MAGI2: variants seen among roughly 807,000 people sequenced by gnomAD.
The protein encoded by MAGI2 is membrane associated guanylate kinase, WW and PDZ domain containing 2.
In MAGI2, 35 loss-of-function variants were observed where a neutral mutation model predicts 133.3. That is an observed-to-expected ratio of 0.26 (90% confidence interval 0.20 to 0.35). The LOEUF (loss-of-function observed/expected upper bound fraction) is 0.35. Among genes scored for constraint, MAGI2 ranks in the 10% least tolerant of loss-of-function variants. The pLI is 1.00. For missense variants in MAGI2, 1,636 were observed against 1,863.4 expected (o/e 0.88, Z 2.25); for synonymous variants, 729 against 710.6 (o/e 1.03, Z -0.41).
chr7:78,672,273 CT>C (rs1814483001), intron 2 of MAGI2, among the ~76,000 whole-genome samples: 1 of 152,068 alleles, frequency 6.6e-6, no homozygotes, highest in Non-Finnish European at 1.5e-5. Flanking sequence ...GACCTCCCCC[CT>C]CTCTCTCTTG....
rs186281437 is a variant in MAGI2 at position 78,684,832 on chromosome 7, T to A, written c.419-57593A>T. Among the ~76,000 whole-genome samples the A allele has an allele frequency of 2.2e-3, 335 of 152,280 alleles. 2 individuals are homozygous for A. The highest frequency in any genetic ancestry group is 7.6e-3 in the African/African-American group (317 of 41,570). ...ATGTTCCACACGTATACAAAATTATTCAGAAATTCTACCTTGGCCAAAGAA... is the reference window on the plus strand; with the variant it reads ...ATGTTCCACACGTATACAAAATTATACAGAAATTCTACCTTGGCCAAAGAA... On this transcript the variant is annotated intron_variant, in intron 2 of 21. Transcript: ENST00000354212.
At chr7:78,531,287 C>T (rs951631921) in intron 3 of MAGI2, among the ~76,000 whole-genome samples, 1 of 149,312 alleles carries the variant, frequency 6.7e-6, no homozygotes, top group Non-Finnish European at 1.5e-5. Flanking sequence ...GATCTTGGCT[C>T]ACTGCAATCT....
At chr7:78,328,781 T>C (rs766402899) in intron 9 of MAGI2, among the ~76,000 whole-genome samples, 1 of 152,012 alleles carries the variant, frequency 6.6e-6, no homozygotes, top group African/African-American at 2.4e-5. Context: ...CGGGAGAAAA[T>C]ATATCCAGTA....
Position 78,489,741 on chromosome 7 carries a change from AT to A in MAGI2, c.1045+19del, listed in dbSNP as rs774729796. On this transcript the variant is annotated intron_variant, in intron 6 of 21. Coordinates refer to ENST00000354212, the MANE Select transcript of MAGI2 (RefSeq NM_012301.4). ...TCTCAAAGCACATTGCTGAAACACC[AT>A]AAAAACTTAATAACCTACCATTTTC... is the stretch of plus-strand genomic sequence containing the variant. 98 of 1,586,510 alleles carry A rather than the reference AT, an allele frequency of 6.2e-5. No homozygotes were observed. Among genetic ancestry groups the A allele is most frequent in the Non-Finnish European group, 8.1e-5 (94 of 1,156,996 alleles).
chr7:78,990,427 G>A (rs184258874), intron 2 of MAGI2, among the ~76,000 whole-genome samples: 9 of 152,090 alleles, frequency 5.9e-5, no homozygotes, highest in East Asian at 1.9e-4. Flanking sequence ...TCCCTGAAAC[G>A]TAGAAATTCC....
chr7:78,760,146 A>G (rs1824348870), intron 2 of MAGI2, among the ~76,000 whole-genome samples: 1 of 152,172 alleles, frequency 6.6e-6, no homozygotes, highest in Non-Finnish European at 1.5e-5. Context: ...AAATAAGGAA[A>G]GAAAATAAAG....
intron 21 of MAGI2, among the ~76,000 whole-genome samples, chr7:78,025,387 C>T (rs1808815790): frequency 6.6e-6 from 1 of 152,148 alleles, no homozygotes; most frequent in South Asian, 2.1e-4. Flanking sequence ...CTTTTGCTTG[C>T]TTATTTGATA....
chr7:79,146,980 A>G (rs1822701192), intron 1 of MAGI2, among the ~76,000 whole-genome samples: 1 of 152,218 alleles, frequency 6.6e-6, no homozygotes, highest in African/African-American at 2.4e-5. Context: ...CTTCTAGATT[A>G]CTTGAGAGAT....
At chr7:78,778,904 CTT>C (rs71085566) in intron 2 of MAGI2, among the ~76,000 whole-genome samples, 1,633 of 118,384 alleles carry the variant, frequency 0.014, 14 homozygotes, top group African/African-American at 0.049. Context: ...CCTTTTCAGC[CTT>C]TTTTTTTTTT....
Position 78,224,098 on chromosome 7 carries a change from G to A in MAGI2, c.2048-22905C>T, listed in dbSNP as rs114883517. Among the ~76,000 whole-genome samples the A allele has an allele frequency of 4.1e-3, 625 of 152,206 alleles. 9 individuals are homozygous for A. The highest frequency in any genetic ancestry group is 0.014 in the African/African-American group (596 of 41,534). ...TCTCATTCTCAATTCTACAGAGTACGTAGATTTCATTGTGAAATAGAATGG... is the reference window on the plus strand; with the variant it reads ...TCTCATTCTCAATTCTACAGAGTACATAGATTTCATTGTGAAATAGAATGG... On this transcript the variant is annotated intron_variant, in intron 10 of 21. Coordinates refer to ENST00000354212, the MANE Select transcript of MAGI2 (RefSeq NM_012301.4).
intron 9 of MAGI2, among the ~76,000 whole-genome samples, chr7:78,261,127 A>G (rs1050057727): frequency 6.6e-5 from 10 of 152,114 alleles, no homozygotes; most frequent in African/African-American, 2.4e-4. Context: ...TTCCTAGTCA[A>G]TTCTCATCTT....
At chr7:79,098,976 A>C (rs191806572) in intron 1 of MAGI2, among the ~76,000 whole-genome samples, 82 of 152,332 alleles carry the variant, frequency 5.4e-4, no homozygotes, top group African/African-American at 1.8e-3. Context: ...TATAAAATGT[A>C]AGAGAACATA....
At chr7:78,647,727 C>T (rs936566839) in intron 2 of MAGI2, among the ~76,000 whole-genome samples, 6 of 152,008 alleles carry the variant, frequency 3.9e-5, no homozygotes, top group African/African-American at 1.5e-4. Context: ...TTCATAATAG[C>T]GAAGACTTGG....
intron 10 of MAGI2, among the ~76,000 whole-genome samples, chr7:78,228,686 CT>C (rs1472473206): frequency 2.0e-5 from 3 of 152,210 alleles, no homozygotes; most frequent in Non-Finnish European, 4.4e-5. Flanking sequence ...TGTGGCAAAT[CT>C]TTATTTAACT....
intron 10 of MAGI2, among the ~76,000 whole-genome samples, chr7:78,211,140 T>C (rs1255972339): frequency 6.6e-6 from 1 of 152,122 alleles, no homozygotes; most frequent in Non-Finnish European, 1.5e-5. Flanking sequence ...GGGTGTGATC[T>C]AGAGCACCAG....
At chr7:79,275,075 T>A (rs1338473189) in intron 1 of MAGI2, among the ~76,000 whole-genome samples, 2 of 152,084 alleles carry the variant, frequency 1.3e-5, no homozygotes, top group Non-Finnish European at 2.9e-5. Context: ...ACCTACAATA[T>A]CCTCTAAGTG....
At chr7:78,408,059 A>G (rs1314311526) in intron 6 of MAGI2, among the ~76,000 whole-genome samples, 4 of 152,076 alleles carry the variant, frequency 2.6e-5, no homozygotes, top group Non-Finnish European at 4.4e-5. Flanking sequence ...ATTTCCAGGT[A>G]ATTTGCAACT....
At chr7:78,830,526 C>T (rs763521987) in intron 2 of MAGI2, among the ~76,000 whole-genome samples, 9 of 152,058 alleles carry the variant, frequency 5.9e-5, no homozygotes, top group Admixed American at 2.6e-4. Context: ...TTAAAATTTG[C>T]TCATATTCAC....
At chr7:78,600,346 CAAAAAT>C (rs371284601) in intron 3 of MAGI2, among the ~76,000 whole-genome samples, 285 of 151,588 alleles carry the variant, frequency 1.9e-3, no homozygotes, top group African/African-American at 6.5e-3. Context: ...CTAGACTTAC[CAAAAAT>C]AAAAAGCTGA....
Sources: gnomAD v4.1 joint callset for allele counts (sites outside exome capture counted in the v4.1 genomes callset) on GRCh38, gnomAD v4.1.1 for gene constraint, MANE v1.5 for transcripts, NCBI Gene and HGNC (gene_info 2026-07-23, HGNC 2026-07-21) for gene names.